The following GNAQ variants were observed in gnomAD, a reference collection of about 807,000 sequenced individuals.
The protein encoded by GNAQ is G protein subunit alpha q, also known as guanine nucleotide-binding protein G(q) subunit alpha.
A neutral mutation model predicts 43.9 loss-of-function variants in GNAQ; 8 were observed. That is an observed-to-expected ratio of 0.18 (90% confidence interval 0.11 to 0.33). The LOEUF is 0.33. Among genes scored for constraint, GNAQ ranks in the 10% least tolerant of loss-of-function variants. GNAQ has a pLI of 1.00. For missense variants in GNAQ, 158 were observed against 450.8 expected, an observed-to-expected ratio of 0.35 and a Z score of 5.88; for synonymous variants, 155 against 170.7, an observed-to-expected ratio of 0.91 and a Z score of 0.71.
chr9:77,963,139 C>T (rs571730350), intron 1 of GNAQ, among the ~76,000 whole-genome samples: 19 of 152,070 alleles, frequency 1.2e-4, no homozygotes, highest in Non-Finnish European at 2.2e-4. Flanking sequence ...CGTGGAAGAA[C>T]GGTGAAATCA....
chr9:77,856,567 A>G (rs1827758817), intron 2 of GNAQ, among the ~76,000 whole-genome samples: 1 of 152,140 alleles, frequency 6.6e-6, no homozygotes, highest in South Asian at 2.1e-4. Flanking sequence ...TTCTTTTCTG[A>G]TGGAGATCCT....
intron 2 of GNAQ, among the ~76,000 whole-genome samples, chr9:77,868,494 T>G (rs900222757): frequency 1.3e-5 from 2 of 152,228 alleles, no homozygotes; most frequent in Non-Finnish European, 2.9e-5. Flanking sequence ...AAAATTTAAT[T>G]CTTTGAGAAA....
intron 1 of GNAQ, among the ~76,000 whole-genome samples, chr9:77,922,837 T>A (rs1829017634): frequency 6.6e-6 from 1 of 152,118 alleles, no homozygotes; most frequent in Non-Finnish European, 1.5e-5. Flanking sequence ...CTCCCTATTT[T>A]ATTTTTTTTA....
rs1826386648 is a variant in GNAQ at position 77,781,074 on chromosome 9, T to G, written c.735+13389A>C. Among the ~76,000 whole-genome samples, 3 of 152,016 alleles carry G rather than the reference T, an allele frequency of 2.0e-5. No homozygotes were observed. In the South Asian group the frequency reaches 6.2e-4, roughly 31 times the overall value. ...ATCCAGTAGGTTCTTTCTACTCTGTTGTTTCCATTGCTGCACAGAAACTCT... is the reference window on the plus strand; with the variant it reads ...ATCCAGTAGGTTCTTTCTACTCTGTGGTTTCCATTGCTGCACAGAAACTCT... On this transcript the variant is annotated intron_variant, in intron 5 of 6. Transcript: ENST00000286548.
At chr9:77,749,238 C>T (rs1159378030) in intron 5 of GNAQ, among the ~76,000 whole-genome samples, 2 of 152,304 alleles carry the variant, frequency 1.3e-5, no homozygotes, top group African/African-American at 4.8e-5. Flanking sequence ...ACATCCCACT[C>T]AAACCAATAC....
chr9:77,978,231 G>GA lies in GNAQ; in HGVS notation c.136+52868dup, dbSNP rs1374563951. Reference sequence around the variant, plus strand: ...ATCCCTGATGTGTCAACTTCAGACAGAATCTACTGACTTACCGCCTCCCCC... The same window carrying GA: ...ATCCCTGATGTGTCAACTTCAGACAGAAATCTACTGACTTACCGCCTCCCCC... On this transcript the variant is annotated intron_variant, in intron 1 of 6. Coordinates refer to ENST00000286548, the MANE Select transcript of GNAQ (RefSeq NM_002072.5). 3.3e-5 allele frequency among the ~76,000 whole-genome samples: 5 copies of GA among 152,244 alleles called. No homozygotes were observed. The East Asian group carries it at 9.7e-4, about 29-fold the overall frequency.
At chr9:77,750,164 T>G (rs1825791343) in intron 5 of GNAQ, among the ~76,000 whole-genome samples, 1 of 145,552 alleles carries the variant, frequency 6.9e-6, no homozygotes, top group Non-Finnish European at 1.5e-5. Flanking sequence ...CATATTTTCT[T>G]TTATAAATAC....
At chr9:78,025,072 T>C (rs1001519729) in intron 1 of GNAQ, among the ~76,000 whole-genome samples, 7 of 152,144 alleles carry the variant, frequency 4.6e-5, no homozygotes, top group African/African-American at 1.7e-4. Flanking sequence ...AACATGGACA[T>C]TTATTTTTGT....
intron 1 of GNAQ, among the ~76,000 whole-genome samples, chr9:78,010,771 G>A (rs545084373): frequency 7.6e-4 from 115 of 151,134 alleles, no homozygotes; most frequent in Middle Eastern, 3.4e-3. Context: ...AAACAGAAGC[G>A]GCTGAGTCTA....
At chr9:77,984,801 T>C (rs1024891099) in intron 1 of GNAQ, among the ~76,000 whole-genome samples, 9 of 152,176 alleles carry the variant, frequency 5.9e-5, no homozygotes, top group Admixed American at 5.9e-4. Flanking sequence ...AGAGAGAAAC[T>C]CCCTGATTCA....
chr9:77,870,453 G>A (rs1213872001), intron 2 of GNAQ, among the ~76,000 whole-genome samples: 1 of 150,060 alleles, frequency 6.7e-6, no homozygotes, highest in Non-Finnish European at 1.5e-5. Flanking sequence ...GCCTCAGCCT[G>A]TAGCTGGGAC....
chr9:77,738,267 TGA>T (rs1287631108), intron 5 of GNAQ, among the ~76,000 whole-genome samples: 1 of 152,160 alleles, frequency 6.6e-6, no homozygotes, highest in South Asian at 2.1e-4. Context: ...CCTAAGAATG[TGA>T]GTTTCTGAAG....
intron 2 of GNAQ, among the ~76,000 whole-genome samples, chr9:77,872,217 T>C (rs1255102408): frequency 6.6e-6 from 1 of 152,266 alleles, no homozygotes; most frequent in African/African-American, 2.4e-5. Context: ...AATGTATTGT[T>C]GTTTGGTTGT....
At chr9:77,793,333 ACT>A (rs1463863092) in intron 5 of GNAQ, among the ~76,000 whole-genome samples, 1 of 152,134 alleles carries the variant, frequency 6.6e-6, no homozygotes, top group African/African-American at 2.4e-5. Context: ...TATACTTGTA[ACT>A]CAGGAATGAT....
At chr9:78,003,675 G>A (rs1419935839) in intron 1 of GNAQ, among the ~76,000 whole-genome samples, 3 of 152,030 alleles carry the variant, frequency 2.0e-5, no homozygotes, top group Non-Finnish European at 4.4e-5. Flanking sequence ...AATAAACTGG[G>A]TGTGGTAATG....
At chr9:77,888,589 CCT>C (rs1182775967) in intron 2 of GNAQ, among the ~76,000 whole-genome samples, 3 of 152,202 alleles carry the variant, frequency 2.0e-5, no homozygotes, top group Middle Eastern at 3.4e-3. Flanking sequence ...ACCATTTAAA[CCT>C]TATTTTGAGT....
At chr9:77,768,086 C>A (rs1587907735) in intron 5 of GNAQ, among the ~76,000 whole-genome samples, 1 of 152,078 alleles carries the variant, frequency 6.6e-6, no homozygotes, top group Admixed American at 6.5e-5. Context: ...TTTACAATAA[C>A]CCAAAGACAG....
intron 5 of GNAQ, among the ~76,000 whole-genome samples, chr9:77,743,946 C>A (rs936442768): frequency 6.6e-6 from 1 of 152,184 alleles, no homozygotes; most frequent in Non-Finnish European, 1.5e-5. Flanking sequence ...AAAAGGTACA[C>A]AGATTTATAT....
intron 1 of GNAQ, among the ~76,000 whole-genome samples, chr9:77,983,006 A>G (rs1278834210): frequency 6.6e-6 from 1 of 152,152 alleles, no homozygotes; most frequent in Non-Finnish European, 1.5e-5. Flanking sequence ...TTTTAGAAGA[A>G]CCATAACAGA....
Sources: gnomAD v4.1 joint callset for allele counts (sites outside exome capture counted in the v4.1 genomes callset) on GRCh38, gnomAD v4.1.1 for gene constraint, MANE v1.5 for transcripts, NCBI Gene and HGNC (gene_info 2026-07-23, HGNC 2026-07-21) for gene names.